The following ASXL3 variants were observed in gnomAD, a reference collection of about 807,000 sequenced individuals.
ASXL3 encodes ASXL transcriptional regulator 3, also known as putative Polycomb group protein ASXL3.
A neutral mutation model predicts 170.6 loss-of-function variants in ASXL3; 34 were observed. That is an observed-to-expected ratio of 0.20 (90% CI 0.15 to 0.27). The LOEUF is 0.27. Among genes scored for constraint, ASXL3 ranks in the 10% least tolerant of loss-of-function variants. The probability of loss-of-function intolerance (pLI) is 1.00; values close to 1 mark genes in which losing one functional copy is unlikely to be tolerated. For missense variants in ASXL3, 2,592 were observed against 2,695.3 expected (o/e 0.96, Z 0.85); for synonymous variants, 1,002 against 989.1 (o/e 1.01, Z -0.24).
At chr18:33,727,166 G>T (rs2067366361) in intron 8 of ASXL3, among the ~76,000 whole-genome samples, 1 of 151,880 alleles carries the variant, frequency 6.6e-6, no homozygotes, top group African/African-American at 2.4e-5. Flanking sequence ...AATCTAGATT[G>T]CTTAGTATTT....
At chr18:33,736,705 T>A (rs572894477) in intron 10 of ASXL3, among the ~76,000 whole-genome samples, 30 of 152,280 alleles carry the variant, frequency 2.0e-4, no homozygotes, top group Non-Finnish European at 3.8e-4. Flanking sequence ...TTACATCACT[T>A]GTATAAATGC....
intron 1 of ASXL3, among the ~76,000 whole-genome samples, chr18:33,580,643 A>G (rs1270118156): frequency 6.6e-6 from 1 of 152,200 alleles, no homozygotes; most frequent in African/African-American, 2.4e-5. Flanking sequence ...TGATCTAATA[A>G]TGATATATCT....
At position 33,744,114 on chromosome 18, in the gene ASXL3, A is replaced by G. The variant is rs768278539; in HGVS notation, c.4266A>G (p.Thr1422=). 10 of 1,614,042 alleles carry G rather than the reference A, an allele frequency of 6.2e-6. No individual in the cohort carries two copies. The highest frequency in any genetic ancestry group is 1.1e-5 in the South Asian group (1 of 91,084). The change falls in exon 12 of 12, where the codon ACA becomes ACG. Residue 1422 remains threonine (T), a synonymous_variant. Transcript: ENST00000269197. ...CAATGTTTACTGGAAACATGCTGAC[A>G]ATAAACTCTTATGATAGTCCTCCCA... ...TVAMFTGNML[T]INSYDSPPKL... is the part of the protein sequence containing the mutation.
intron 4 of ASXL3, among the ~76,000 whole-genome samples, chr18:33,646,886 G>A (rs1032924557): frequency 2.7e-5 from 4 of 146,912 alleles, no homozygotes; most frequent in Admixed American, 1.4e-4. Context: ...GGAGCGGGGG[G>A]GGGGGGCATT....
intron 4 of ASXL3, among the ~76,000 whole-genome samples, chr18:33,651,076 G>A (rs1231904131): frequency 6.6e-6 from 1 of 152,094 alleles, no homozygotes; most frequent in East Asian, 1.9e-4. Context: ...ACCTTGCCTG[G>A]AACCACAGGG....
In ASXL3 at chr18:33,745,124, C is replaced by T. The variant is rs1218306391; in HGVS notation, c.5276C>T (p.Pro1759Leu). Residue 1759 changes from proline to leucine, a missense_variant, in exon 12 of 12, where the codon CCT (proline) becomes CTT (leucine). Around this residue, in one of 4 missense-constraint regions of ASXL3, gnomAD observed 2,246 missense variants for 2,219.6 expected, o/e 1.01. Coordinates refer to ENST00000269197, the MANE Select transcript of ASXL3 (RefSeq NM_030632.3). ...ACGCAGTTACTACAGGGCAACCTGC[C>T]TTTGGAAAAAGTGTTGCCACAGCCC... ...LVTQLLQGNL[P>L]LEKVLPQPRL... 1 of 1,614,000 alleles carries T rather than the reference C, an allele frequency of 6.2e-7. No individual in the cohort carries two copies. The highest frequency in any genetic ancestry group is 8.5e-7 in the Non-Finnish European group (1 of 1,179,900).
chr18:33,699,897 TTGAG>T (rs761324259), intron 8 of ASXL3, among the ~76,000 whole-genome samples: 2 of 152,078 alleles, frequency 1.3e-5, no homozygotes, highest in African/African-American at 2.4e-5. Context: ...ATTTATATTA[TTGAG>T]TTTTTCAGAT....
chr18:33,591,799 G>A (rs1438967355), intron 1 of ASXL3, among the ~76,000 whole-genome samples: 5 of 151,806 alleles, frequency 3.3e-5, no homozygotes, highest in African/African-American at 4.8e-5. Context: ...CCACCACCAC[G>A]CCCAGCTACT....
Position 33,743,982 on chromosome 18 carries a change from G to A in ASXL3, c.4134G>A (p.Gly1378=). 4 of 1,614,010 alleles carry A rather than the reference G, an allele frequency of 2.5e-6. No homozygotes were observed. In the South Asian group the frequency reaches 4.4e-5, roughly 18 times the overall value. Residue 1378 remains glycine (G), a synonymous_variant, in exon 12 of 12, where the codon GGG becomes GGA. Coordinates refer to ENST00000269197, the MANE Select transcript of ASXL3 (RefSeq NM_030632.3). Reference sequence around the variant, plus strand: ...CTTCTGAGAAGATAGCCATACCTGGGAGTGAAGAACAGGCCACTGTATCCA... The same window carrying A: ...CTTCTGAGAAGATAGCCATACCTGGAAGTGAAGAACAGGCCACTGTATCCA... The part of the protein sequence containing the change: ...RFPSEKIAIP[G]SEEQATVSMG...
chr18:33,608,320 C>G (rs2065280960), intron 2 of ASXL3, among the ~76,000 whole-genome samples: 1 of 151,954 alleles, frequency 6.6e-6, no homozygotes, highest in Non-Finnish European at 1.5e-5. Flanking sequence ...TGCTAGTCCA[C>G]TTTCTGTCTC....
At chr18:33,736,345 C>CTTTT (rs542733136) in intron 10 of ASXL3, among the ~76,000 whole-genome samples, 3 of 151,770 alleles carry the variant, frequency 2.0e-5, no homozygotes, top group Admixed American at 6.6e-5. Context: ...CTACTTAGCC[C>CTTTT]TTTTTTTTGC....
intron 11 of ASXL3, among the ~76,000 whole-genome samples, chr18:33,740,974 A>G (rs1599567671): frequency 6.6e-6 from 1 of 152,182 alleles, no homozygotes; most frequent in African/African-American, 2.4e-5. Context: ...TTTTTAAATT[A>G]AAAATATTAT....
chr18:33,737,882 C>T (rs1325637459), intron 10 of ASXL3, among the ~76,000 whole-genome samples: 1 of 152,010 alleles, frequency 6.6e-6, no homozygotes, highest in African/African-American at 2.4e-5. Context: ...TTCTTACATC[C>T]TCTGAAAACT....
chr18:33,624,592 A>G (rs975486419), intron 2 of ASXL3, among the ~76,000 whole-genome samples: 3 of 152,094 alleles, frequency 2.0e-5, no homozygotes, highest in Non-Finnish European at 4.4e-5. Context: ...TAGTATCCCG[A>G]CAGTATTTCT....
chr18:33,687,272 C>A (rs922111024), intron 8 of ASXL3, among the ~76,000 whole-genome samples: 2 of 152,096 alleles, frequency 1.3e-5, no homozygotes, highest in Non-Finnish European at 2.9e-5. Context: ...AACAAACAAG[C>A]AAAACTGCTG....
intron 5 of ASXL3, among the ~76,000 whole-genome samples, chr18:33,663,648 T>C (rs557517221): frequency 4.6e-5 from 7 of 152,266 alleles, no homozygotes; most frequent in African/African-American, 1.7e-4. Flanking sequence ...TTTTCTAACC[T>C]ATAGCAAATA....
At chr18:33,599,931 A>T (rs566111890) in intron 1 of ASXL3, among the ~76,000 whole-genome samples, 1 of 152,312 alleles carries the variant, frequency 6.6e-6, no homozygotes, top group African/African-American at 2.4e-5. Flanking sequence ...GGCTGCTGAA[A>T]AAAAGCACGT....
chr18:33,628,856 G>T (rs1356383322), intron 2 of ASXL3, among the ~76,000 whole-genome samples: 1 of 152,084 alleles, frequency 6.6e-6, no homozygotes, highest in East Asian at 1.9e-4. Context: ...AACTTGTCTG[G>T]ATTTCAGTAA....
In ASXL3 at chr18:33,656,281, G is replaced by C. The variant is rs145729279; in HGVS notation, c.356-5335G>C. Among the ~76,000 whole-genome samples, 30 of 152,170 alleles carry C rather than the reference G, an allele frequency of 2.0e-4. No homozygotes were observed. The East Asian group carries it at 5.8e-3, about 29-fold the overall frequency. On this transcript the variant is annotated intron_variant, in intron 4 of 11. Transcript: ENST00000269197. ...GTCAAGATCATTCATACAGAAAACT[G>C]TTGTGATTTGAGCAAATCTAGTCTG... is the stretch of plus-strand genomic sequence containing the variant.
Sources: gnomAD v4.1 joint callset for allele counts (sites outside exome capture counted in the v4.1 genomes callset) on GRCh38, gnomAD v4.1.1 for gene constraint, gnomAD v4.1.1 regional missense constraint, MANE v1.5 for transcripts, NCBI Gene and HGNC (gene_info 2026-07-23, HGNC 2026-07-21) for gene names.